The following GALNT13 variants were observed in gnomAD, a reference collection of about 807,000 sequenced individuals.
GALNT13 encodes the protein UDP-GalNAc:polypeptide N-acetylgalactosaminyltransferase 13.
GALNT13 carries 28 observed loss-of-function variants against 64.2 expected under a neutral mutation model. That is an observed-to-expected ratio of 0.44 (90% CI 0.32 to 0.60). The LOEUF (loss-of-function observed/expected upper bound fraction) is 0.60. GALNT13 is among the 20% of genes least tolerant of loss of function. GALNT13 has a pLI of 0.05. For missense variants in GALNT13, 577 were observed against 669.8 expected (o/e 0.86, Z 1.53); for synonymous variants, 214 against 224.6 (o/e 0.95, Z 0.42).
the GALNT13 span, among the ~76,000 whole-genome samples, chr2:153,459,797 C>A: frequency 6.6e-6 from 1 of 152,092 alleles, no homozygotes; most frequent in Non-Finnish European, 1.5e-5. Context: ...AATTAAATTT[C>A]ATTGACTTGC....
intron 8 of GALNT13, among the ~76,000 whole-genome samples, chr2:154,283,109 C>G (rs918065543): frequency 2.6e-5 from 4 of 152,142 alleles, no homozygotes; most frequent in African/African-American, 4.8e-5. Context: ...CCTTCAGCAT[C>G]TCAATGAAGG....
chr2:153,249,075 A>C, the GALNT13 span, among the ~76,000 whole-genome samples: 1,554 of 152,340 alleles, frequency 0.01, 25 homozygotes, highest in African/African-American at 0.035. Context: ...AAATAGAAAG[A>C]GAGAAAGTTA....
At chr2:154,412,424 T>TTGAC (rs57473327) in intron 11 of GALNT13, among the ~76,000 whole-genome samples, 1,990 of 151,938 alleles carry the variant, frequency 0.013, 48 homozygotes, top group African/African-American at 0.046. Context: ...TTATTTAGTT[T>TTGAC]TGACTGTTTT....
At chr2:154,416,867 T>C (rs958007191) in intron 11 of GALNT13, among the ~76,000 whole-genome samples, 2 of 152,166 alleles carry the variant, frequency 1.3e-5, no homozygotes, top group Non-Finnish European at 2.9e-5. Context: ...ATTAATCCCC[T>C]CAAGTTTAAG....
the GALNT13 span, among the ~76,000 whole-genome samples, chr2:153,776,678 T>C: frequency 6.6e-6 from 1 of 152,180 alleles, no homozygotes; most frequent in South Asian, 2.1e-4. Context: ...ATTTGTAAAG[T>C]GAATGTTTTT....
chr2:154,199,506 A>G (rs1476274444), intron 4 of GALNT13, among the ~76,000 whole-genome samples: 1 of 152,000 alleles, frequency 6.6e-6, no homozygotes, highest in East Asian at 1.9e-4. Flanking sequence ...TCCTTTTGTA[A>G]TATCTTACCA....
intron 2 of GALNT13, among the ~76,000 whole-genome samples, chr2:153,905,144 G>T: frequency 6.6e-6 from 1 of 151,692 alleles, no homozygotes; most frequent in Non-Finnish European, 1.5e-5. Flanking sequence ...GTAAATTTTA[G>T]AATTACTTTG....
chr2:154,292,615 G>C (rs370479696), intron 8 of GALNT13, among the ~76,000 whole-genome samples: 5 of 152,308 alleles, frequency 3.3e-5, no homozygotes, highest in South Asian at 2.1e-4. Context: ...AAGTTGCAGA[G>C]CTAGGATATA....
intron 3 of GALNT13, among the ~76,000 whole-genome samples, chr2:153,954,928 G>A (rs1441525879): frequency 6.6e-6 from 1 of 151,668 alleles, no homozygotes; most frequent in Non-Finnish European, 1.5e-5. Flanking sequence ...TACTATGTAT[G>A]AACTATTTAT....
intron 3 of GALNT13, among the ~76,000 whole-genome samples, chr2:154,056,043 A>G (rs1460284608): frequency 6.6e-6 from 1 of 152,134 alleles, no homozygotes; most frequent in East Asian, 1.9e-4. Flanking sequence ...AGAATTACTG[A>G]TCCCTCATAA....
At chr2:154,013,166 C>T (rs1696760575) in intron 3 of GALNT13, among the ~76,000 whole-genome samples, 1 of 151,024 alleles carries the variant, frequency 6.6e-6, no homozygotes, top group Non-Finnish European at 1.5e-5. Flanking sequence ...TGTTTCTCAT[C>T]TTTCTGGGCT....
At chr2:153,415,817 T>C in the GALNT13 span, among the ~76,000 whole-genome samples, 5 of 152,214 alleles carry the variant, frequency 3.3e-5, no homozygotes, top group Non-Finnish European at 7.3e-5. Context: ...ATTTTTCTTA[T>C]GTTTCTCTGT....
the GALNT13 span, among the ~76,000 whole-genome samples, chr2:153,789,564 C>T: frequency 6.6e-6 from 1 of 152,092 alleles, no homozygotes; most frequent in African/African-American, 2.4e-5. Flanking sequence ...AACTCCAAAG[C>T]TAACAGAAGA....
the GALNT13 span, among the ~76,000 whole-genome samples, chr2:153,265,518 C>G: frequency 6.6e-6 from 1 of 152,204 alleles, no homozygotes; most frequent in Non-Finnish European, 1.5e-5. Context: ...CATAGATTCT[C>G]TCTTTGTGCC....
At chr2:153,703,351 G>A in the GALNT13 span, among the ~76,000 whole-genome samples, 25 of 152,084 alleles carry the variant, frequency 1.6e-4, no homozygotes, top group African/African-American at 5.8e-4. Context: ...GGGTATAAGT[G>A]TTATGTTTAA....
At chr2:153,457,477 C>T in the GALNT13 span, among the ~76,000 whole-genome samples, 4 of 152,252 alleles carry the variant, frequency 2.6e-5, no homozygotes, top group Non-Finnish European at 4.4e-5. Context: ...GAAAATGGGA[C>T]TTTGCTTCCA....
At chr2:153,256,868 G>T in the GALNT13 span, among the ~76,000 whole-genome samples, 1 of 152,150 alleles carries the variant, frequency 6.6e-6, no homozygotes, top group African/African-American at 2.4e-5. Flanking sequence ...TGTCAGACAG[G>T]GACATTTAAG....
the GALNT13 span, among the ~76,000 whole-genome samples, chr2:153,123,582 C>T: frequency 6.6e-6 from 1 of 152,092 alleles, no homozygotes; most frequent in African/African-American, 2.4e-5. Context: ...AGGAATAAAC[C>T]AAATCTCTAT....
chr2:153,374,805 A>G, the GALNT13 span, among the ~76,000 whole-genome samples: 1 of 151,992 alleles, frequency 6.6e-6, no homozygotes, highest in African/African-American at 2.4e-5. Flanking sequence ...TCTGCCAGGC[A>G]CTCTCTAGCA....
Sources: gnomAD v4.1 joint callset for allele counts (sites outside exome capture counted in the v4.1 genomes callset) on GRCh38, gnomAD v4.1.1 for gene constraint, MANE v1.5 for transcripts, NCBI Gene and HGNC (gene_info 2026-07-23, HGNC 2026-07-21) for gene names.